The following CHN2 variants were observed in gnomAD, a reference collection of about 807,000 sequenced individuals.
CHN2 encodes the protein chimerin 2.
A neutral mutation model predicts 56.3 loss-of-function variants in CHN2; 35 were observed. The ratio of observed to expected loss-of-function variants is 0.62; its 90% confidence interval spans 0.47 to 0.82. The LOEUF (loss-of-function observed/expected upper bound fraction) is 0.82, where lower values mean the gene tolerates loss of function less well. Ranked by LOEUF, CHN2 falls within the 40% of genes least tolerant of loss-of-function variation. The probability of loss-of-function intolerance (pLI) is 0.00; values close to 1 mark genes in which losing one functional copy is unlikely to be tolerated. For missense variants in CHN2, 491 were observed against 580.5 expected, an observed-to-expected ratio of 0.85 and a Z score of 1.58; for synonymous variants, 210 against 212.8, an observed-to-expected ratio of 0.99 and a Z score of 0.12.
chr7:29,474,241 A>C (rs1786401098), intron 6 of CHN2, among the ~76,000 whole-genome samples: 1 of 152,186 alleles, frequency 6.6e-6, no homozygotes, highest in South Asian at 2.1e-4. Flanking sequence ...TAATGTCTAC[A>C]TAATACCCTA....
intron 9 of CHN2, among the ~76,000 whole-genome samples, chr7:29,501,880 T>G (rs957152613): frequency 1.3e-5 from 2 of 152,216 alleles, no homozygotes; most frequent in African/African-American, 4.8e-5. Context: ...GATTTGAAGT[T>G]AAATTATCAG....
chr7:29,154,426 A>G (rs1268631388), intron 2 of CHN2, among the ~76,000 whole-genome samples: 1 of 152,156 alleles, frequency 6.6e-6, no homozygotes, highest in Non-Finnish European at 1.5e-5. Context: ...GTTCCTGCCA[A>G]ACTCAGCAGG....
At chr7:29,227,210 T>C (rs892435532) in intron 1 of CHN2, among the ~76,000 whole-genome samples, 1 of 152,212 alleles carries the variant, frequency 6.6e-6, no homozygotes, top group Non-Finnish European at 1.5e-5. Flanking sequence ...AGGCAGCTTA[T>C]TGAGAAGATG....
At chr7:29,435,863 A>T (rs1022693064) in intron 6 of CHN2, among the ~76,000 whole-genome samples, 6 of 150,128 alleles carry the variant, frequency 4.0e-5, no homozygotes, top group Non-Finnish European at 4.4e-5. Flanking sequence ...AAAATTATGC[A>T]CACTTCTCTA....
At chr7:29,488,505 C>G (rs528471298) in intron 7 of CHN2, among the ~76,000 whole-genome samples, 2 of 152,172 alleles carry the variant, frequency 1.3e-5, no homozygotes, top group African/African-American at 2.4e-5. Context: ...TTAGCTCTCT[C>G]TTCTGTGAAC....
At chr7:29,220,266 T>C (rs1785677788) in intron 1 of CHN2, among the ~76,000 whole-genome samples, 1 of 81,742 alleles carries the variant, frequency 1.2e-5, no homozygotes, top group South Asian at 3.7e-4. Flanking sequence ...GGAGACCCTG[T>C]CTTAAAAAAA....
chr7:29,166,192 A>T (rs1282620254), intron 2 of CHN2, among the ~76,000 whole-genome samples: 1 of 151,682 alleles, frequency 6.6e-6, no homozygotes, highest in Non-Finnish European at 1.5e-5. Flanking sequence ...CACCACATCC[A>T]GTTTTTTTTT....
At chr7:29,451,860 T>C (rs1035140393) in intron 6 of CHN2, among the ~76,000 whole-genome samples, 1 of 152,168 alleles carries the variant, frequency 6.6e-6, no homozygotes, top group Non-Finnish European at 1.5e-5. Flanking sequence ...ATTCCAGTGC[T>C]TTTTTAGTAG....
chr7:29,451,083 A>G lies in CHN2; in HGVS notation c.577-29196A>G, dbSNP rs146010056. Among the ~76,000 whole-genome samples, 205 of 152,160 alleles carry G rather than the reference A, an allele frequency of 1.3e-3. 1 individual carries two copies. Among genetic ancestry groups the G allele is most frequent in the African/African-American group, 4.1e-3 (172 of 41,510 alleles). On this transcript the variant is annotated intron_variant, in intron 6 of 12. Transcript: ENST00000222792. ...CACACCCGGCCTCATTACTTCTTATACCATAATAAATAAGAAAGAGAGAGA... is the reference window on the plus strand; with the variant it reads ...CACACCCGGCCTCATTACTTCTTATGCCATAATAAATAAGAAAGAGAGAGA...
At chr7:29,205,754 T>C (rs1349645636) in intron 1 of CHN2, among the ~76,000 whole-genome samples, 1 of 152,158 alleles carries the variant, frequency 6.6e-6, no homozygotes, top group African/African-American at 2.4e-5. Flanking sequence ...TTAAATTAGC[T>C]CAGTCAATCC....
intron 2 of CHN2, among the ~76,000 whole-genome samples, chr7:29,182,107 A>G (rs762803215): frequency 6.6e-6 from 1 of 152,224 alleles, no homozygotes; most frequent in Non-Finnish European, 1.5e-5. Flanking sequence ...TTGCAAAATG[A>G]GAACTAACAC....
At chr7:29,227,781 C>T (rs1786328603) in intron 1 of CHN2, among the ~76,000 whole-genome samples, 1 of 152,128 alleles carries the variant, frequency 6.6e-6, no homozygotes, top group African/African-American at 2.4e-5. Context: ...TTTTCCCTCC[C>T]CTCTTTAGCT....
intron 3 of CHN2, among the ~76,000 whole-genome samples, chr7:29,385,219 T>G (rs1243993579): frequency 6.6e-6 from 1 of 152,222 alleles, no homozygotes; most frequent in East Asian, 1.9e-4. Context: ...TCTGCCTTCC[T>G]TTTACTCCAT....
At chr7:29,272,933 G>A (rs1313876851) in intron 1 of CHN2, among the ~76,000 whole-genome samples, 1 of 152,068 alleles carries the variant, frequency 6.6e-6, no homozygotes, top group Non-Finnish European at 1.5e-5. Flanking sequence ...TATGGAAAGA[G>A]CAGCTAAAAA....
chr7:29,415,054 TTAA>T (rs568714185), intron 6 of CHN2, among the ~76,000 whole-genome samples: 13 of 152,152 alleles, frequency 8.5e-5, no homozygotes, highest in Admixed American at 2.0e-4. Flanking sequence ...TGCTTAACTA[TTAA>T]TAATTAATAA....
At position 29,252,578 on chromosome 7, in the gene CHN2, G is replaced by GTTTTTTTTTTGT. The variant is rs1788668647; in HGVS notation, c.49+57598_49+57599insGTTTTTTTTTTT. On this transcript the variant is annotated intron_variant, in intron 1 of 12. Coordinates refer to ENST00000222792, the MANE Select transcript of CHN2 (RefSeq NM_004067.4). ...CTGTTTGTCTAAAATTGCATTCTTT[G>GTTTTTTTTTTGT]TTTTTTTTTTTTTTTTTTTTTTTTT... Among the ~76,000 whole-genome samples the GTTTTTTTTTTGT allele has an allele frequency of 2.6e-4, 5 of 19,488 alleles. 1 individual carries two copies. Among genetic ancestry groups the GTTTTTTTTTTGT allele is most frequent in the Non-Finnish European group, 4.1e-4 (5 of 12,192 alleles). The allele number at this position is 19,488 out of a possible 152,430, so 12.8% of individuals were successfully genotyped here. A position where few individuals can be genotyped will look rare whatever the true frequency, so the allele number is the denominator to read the frequency against.
At chr7:29,388,100 C>A (rs1276263364) in intron 3 of CHN2, among the ~76,000 whole-genome samples, 1 of 151,980 alleles carries the variant, frequency 6.6e-6, no homozygotes, top group African/African-American at 2.4e-5. Context: ...ATTTTGTTTT[C>A]TGTGTAAAGT....
At chr7:29,349,155 AG>A (rs1321838579) in intron 1 of CHN2, among the ~76,000 whole-genome samples, 1 of 152,138 alleles carries the variant, frequency 6.6e-6, no homozygotes, top group African/African-American at 2.4e-5. Context: ...CCCACCCTTC[AG>A]TAGGAAATTT....
chr7:29,212,833 C>T, intron 1 of CHN2: 1 of 1,608,304 alleles, frequency 6.2e-7, no homozygotes, highest in Non-Finnish European at 8.5e-7. Context: ...CCAGCCACTA[C>T]TCTTCCTACC....
Sources: allele counts gnomAD v4.1 joint callset (sites outside exome capture counted in the v4.1 genomes callset), GRCh38; gene constraint gnomAD v4.1.1; transcripts MANE v1.5; gene names NCBI Gene and HGNC (gene_info 2026-07-23, HGNC 2026-07-21).